Variants in SCNN1G observed in about 807,000 individuals in gnomAD.
SCNN1G encodes epithelial sodium channel subunit gamma.
Under a neutral mutation model 64.6 loss-of-function variants are expected in SCNN1G, and 27 were observed. That is an observed-to-expected ratio of 0.42 (90% CI 0.31 to 0.58). The LOEUF is 0.58. Ranked by LOEUF, SCNN1G falls within the 20% of genes least tolerant of loss-of-function variation. The pLI is 0.18. For missense variants in SCNN1G, 743 were observed against 823.4 expected (o/e 0.90, Z 1.19); for synonymous variants, 330 against 314.2 (o/e 1.05, Z -0.53).
Position 23,215,828 on chromosome 16 carries a change from C to A in SCNN1G, c.*359C>A. 3.0e-6 allele frequency: 1 copy of A among 338,630 alleles called. No homozygotes were observed. The highest frequency in any genetic ancestry group is 4.3e-5 in the Admixed American group (1 of 23,096). 21.0% of individuals were successfully genotyped at this position (338,630 alleles called of 1,614,324 possible). The stretch of plus-strand genomic sequence containing the variant: ...TGAGAGGGAAGGACTCTTCCAAAGC[C>A]CCAAAGCCGAGGGTTTCACCCACAC... On this transcript the variant is annotated 3_prime_UTR_variant, in exon 13 of 13. Coordinates refer to ENST00000300061, the MANE Select transcript of SCNN1G (RefSeq NM_001039.4).
chr16:23,215,289 C>T lies in SCNN1G; in HGVS notation c.1770C>T (p.Gly590=). Residue 590 remains glycine, a synonymous_variant, in exon 13 of 13, where the codon GGC becomes GGT. Coordinates refer to ENST00000300061, the MANE Select transcript of SCNN1G (RefSeq NM_001039.4). ...PCPEAPRSPQ[G]QDNPALDIDD... The stretch of plus-strand genomic sequence containing the variant: ...CAGAAGCTCCCCGTAGCCCACAGGG[C>T]CAGGACAATCCAGCCCTGGATATAG... 1 of 1,614,168 alleles carries T rather than the reference C, an allele frequency of 6.2e-7. No individual in the cohort carries two copies. Among genetic ancestry groups the T allele is most frequent in the Non-Finnish European group, 8.5e-7 (1 of 1,180,016 alleles).
chr16:23,210,120 A>G (rs1960056735), intron 7 of SCNN1G, among the ~76,000 whole-genome samples: 1 of 152,204 alleles, frequency 6.6e-6, no homozygotes, highest in Admixed American at 6.5e-5. Flanking sequence ...CAAGGGAGGA[A>G]CAGGAAAGAA....
intron 2 of SCNN1G, among the ~76,000 whole-genome samples, chr16:23,188,554 T>C (rs184853788): frequency 6.6e-6 from 1 of 152,272 alleles, no homozygotes; most frequent in East Asian, 1.9e-4. Context: ...TATCTATATG[T>C]ATGTCTGTGT....
At position 23,215,052 on chromosome 16, in the gene SCNN1G, G is replaced by C. The variant is rs774588022; in HGVS notation, c.1570-37G>C. 2.3e-5 allele frequency: 37 copies of C among 1,613,392 alleles called. No individual in the cohort carries two copies. In the Admixed American group the frequency reaches 2.5e-4, roughly 11 times the overall value. On this transcript the variant is annotated intron_variant, in intron 12 of 12. Coordinates refer to ENST00000300061, the MANE Select transcript of SCNN1G (RefSeq NM_001039.4). ...CCTGTGTGAGGCCAACTTGGGGGGA[G>C]GTTCCTCTTGATGGTGTGGCTTGGC...
chr16:23,196,583 C>T (rs1178228731), intron 5 of SCNN1G: 1 of 154,774 alleles, frequency 6.5e-6, no homozygotes, highest in African/African-American at 2.4e-5. Flanking sequence ...GAGAGTTATA[C>T]TGACATTCAA....
At chr16:23,202,673 A>G (rs1400231622) in intron 6 of SCNN1G, among the ~76,000 whole-genome samples, 1 of 152,194 alleles carries the variant, frequency 6.6e-6, no homozygotes, top group South Asian at 2.1e-4. Flanking sequence ...GGCTGTGGAG[A>G]TGAGCAGAGG....
intron 6 of SCNN1G, among the ~76,000 whole-genome samples, chr16:23,204,338 G>GAA (rs1567267175): frequency 2.3e-5 from 2 of 85,630 alleles, no homozygotes; most frequent in African/African-American, 8.6e-5. Context: ...TATATATAGA[G>GAA]AGAGAGAGAG....
intron 7 of SCNN1G, among the ~76,000 whole-genome samples, chr16:23,211,173 G>A (rs1457227612): frequency 6.6e-6 from 1 of 152,190 alleles, no homozygotes; most frequent in African/African-American, 2.4e-5. Context: ...TTATTATAAA[G>A]AAAGCAAAGC....
chr16:23,205,760 A>T (rs1040065582), intron 6 of SCNN1G, among the ~76,000 whole-genome samples: 2 of 150,158 alleles, frequency 1.3e-5, no homozygotes, highest in Admixed American at 1.3e-4. Flanking sequence ...AAAACCATCC[A>T]CCTGTTCCAT....
chr16:23,190,831 ATTTTTTTT>A (rs896029487), intron 3 of SCNN1G, among the ~76,000 whole-genome samples: 740 of 56,248 alleles, frequency 0.013, 3 homozygotes, highest in African/African-American at 0.044. Context: ...ATTTGAGGGG[ATTTTTTTT>A]TTTTTTTTTT....
chr16:23,193,069 CAAA>C (rs56318076), intron 4 of SCNN1G, among the ~76,000 whole-genome samples: 222 of 69,088 alleles, frequency 3.2e-3, no homozygotes, highest in African/African-American at 5.2e-3. Context: ...ACTCTTGTCT[CAAA>C]AAAAAAAAAA....
At chr16:23,210,780 C>A (rs1479129541) in intron 7 of SCNN1G, among the ~76,000 whole-genome samples, 1 of 152,076 alleles carries the variant, frequency 6.6e-6, no homozygotes, top group Non-Finnish European at 1.5e-5. Flanking sequence ...GCCTATAATC[C>A]CAGCACTTTG....
At chr16:23,197,511 G>A in intron 6 of SCNN1G, 84 bp downstream of exon 6, 1 of 1,252,632 alleles carries the variant, frequency 8.0e-7, no homozygotes, top group Non-Finnish European at 1.2e-6. Context: ...GCAGCTTATG[G>A]AAAAGGGTGT....
rs753228161 is a variant in SCNN1G, at chr16:23,194,321, A to G, written c.913+47A>G. The G allele has an allele frequency of 4.7e-6, 6 of 1,288,082 alleles. 1 individual carries two copies. In the South Asian group the frequency reaches 5.9e-5, roughly 13 times the overall value. 79.8% of individuals were successfully genotyped at this position (1,288,082 alleles called of 1,614,324 possible). The stretch of plus-strand genomic sequence containing the variant: ...AGATCTTGAGGCCCTCCAATAGTGG[A>G]CATGGGGGCAGCAGGACAGTGGGGA... On this transcript the variant is annotated intron_variant, in intron 5 of 12. Coordinates refer to ENST00000300061, the MANE Select transcript of SCNN1G (RefSeq NM_001039.4).
At chr16:23,206,638 G>C (rs963378358) in intron 6 of SCNN1G, among the ~76,000 whole-genome samples, 1 of 152,034 alleles carries the variant, frequency 6.6e-6, no homozygotes, top group African/African-American at 2.4e-5. Flanking sequence ...GGTGAGCTAA[G>C]GACTCCTATA....
rs931451621 is a variant in SCNN1G at position 23,186,357 on chromosome 16, T to A, written c.86T>A (p.Met29Lys). The change falls in exon 2 of 13, where the codon ATG becomes AAG. Residue 29 changes from methionine to lysine, a missense_variant. Coordinates refer to ENST00000300061, the MANE Select transcript of SCNN1G (RefSeq NM_001039.4). ...GPQAPTIKEL[M>K]RWYCLNTNTH... Reference sequence around the variant, plus strand: ...CAGGCGCCGACCATTAAAGAGCTGATGCGGTGGTACTGCCTCAACACCAAC... The same window carrying A: ...CAGGCGCCGACCATTAAAGAGCTGAAGCGGTGGTACTGCCTCAACACCAAC... 1.9e-6 allele frequency: 3 copies of A among 1,614,210 alleles called. No homozygotes were observed. The highest frequency in any genetic ancestry group is 2.5e-6 in the Non-Finnish European group (3 of 1,180,006).
chr16:23,190,340 A>G (rs1396708075), intron 3 of SCNN1G, among the ~76,000 whole-genome samples: 1 of 145,872 alleles, frequency 6.9e-6, no homozygotes, highest in East Asian at 2.3e-4. Flanking sequence ...GCTGCAAACA[A>G]CTGAAACTGA....
chr16:23,205,840 G>T (rs550069024), intron 6 of SCNN1G, among the ~76,000 whole-genome samples: 17 of 152,228 alleles, frequency 1.1e-4, no homozygotes, highest in African/African-American at 3.9e-4. Flanking sequence ...AGAAACAGGG[G>T]TATAGCATGG....
At chr16:23,209,160 C>T (rs1396866115) in intron 6 of SCNN1G, among the ~76,000 whole-genome samples, 1 of 152,136 alleles carries the variant, frequency 6.6e-6, no homozygotes, top group Non-Finnish European at 1.5e-5. Flanking sequence ...TAGAGTCTCA[C>T]TCTGTTGCCC....
Sources: gnomAD v4.1 joint callset for allele counts (sites outside exome capture counted in the v4.1 genomes callset) on GRCh38, gnomAD v4.1.1 for gene constraint, MANE v1.5 for transcripts, NCBI Gene and HGNC (gene_info 2026-07-23, HGNC 2026-07-21) for gene names.